Variants in KDM6B observed in about 807,000 individuals in gnomAD.
The protein encoded by KDM6B is lysine-specific demethylase 6B.
Under a neutral mutation model 150.4 loss-of-function variants are expected in KDM6B, and 22 were observed. The ratio of observed to expected loss-of-function variants is 0.15; its 90% CI spans 0.10 to 0.21. KDM6B has a LOEUF of 0.21. KDM6B is among the 10% of genes least tolerant of loss of function. The pLI, the probability that KDM6B is intolerant of heterozygous loss-of-function variation, is 1.00. For synonymous variants in KDM6B, 1,148 were observed against 921.1 expected, an observed-to-expected ratio of 1.25 and a Z score of -4.46; for missense variants, 1,984 against 2,234.3, an observed-to-expected ratio of 0.89 and a Z score of 2.26.
intron 5 of KDM6B, 32 bp downstream of exon 5, chr17:7,845,723 C>G: frequency 6.2e-7 from 1 of 1,613,924 alleles, no homozygotes; most frequent in Non-Finnish European, 8.5e-7. Context: ...TCTCCAGGCA[C>G]ACCTCTTTCC....
intron 2 of KDM6B, chr17:7,840,741 G>A (rs918053152): frequency 6.6e-5 from 10 of 152,182 alleles, no homozygotes; most frequent in African/African-American, 2.2e-4. Context: ...TTTCTTCTAT[G>A]TGTCTCTCAC....
intron 1 of KDM6B, among the ~76,000 whole-genome samples, chr17:7,835,821 C>T (rs775722559): frequency 6.6e-6 from 1 of 151,890 alleles, no homozygotes; most frequent in Admixed American, 6.5e-5. Flanking sequence ...CCCCTCCCCT[C>T]GTGGAGTCTG....
rs938218165 is a variant in KDM6B at position 7,846,804 on chromosome 17, T to A, written c.712-15T>A. The A allele has an allele frequency of 1.2e-6, 2 of 1,613,300 alleles. No individual in the cohort carries two copies. The highest frequency in any genetic ancestry group is 1.7e-5 in the Admixed American group (1 of 59,982). On this transcript the variant is annotated splice_polypyrimidine_tract_variant and intron_variant, in intron 9 of 23. Coordinates refer to ENST00000448097, the MANE Select transcript of KDM6B (RefSeq NM_001348716.2). ...GGACTTGGGAATGGGATTCTCACACTCTCTTCTCTCCTAGACTGGCCTTCC... is the reference window on the plus strand; with the variant it reads ...GGACTTGGGAATGGGATTCTCACACACTCTTCTCTCCTAGACTGGCCTTCC...
intron 18 of KDM6B, 71 bp downstream of exon 18, chr17:7,851,867 C>T (rs2078703065): frequency 1.3e-6 from 2 of 1,579,710 alleles, no homozygotes; most frequent in East Asian, 2.3e-5. Flanking sequence ...GCTCAGCCGT[C>T]AGCCAATGAG....
rs757289161 is a variant in KDM6B, at chr17:7,850,624, A to C, written c.3674-397A>C. Among the ~76,000 whole-genome samples, 10 of 152,186 alleles carry C rather than the reference A, an allele frequency of 6.6e-5. 1 individual carries two copies. Among genetic ancestry groups the C allele is most frequent in the Admixed American group, 1.3e-4 (2 of 15,278 alleles). ...ACATTTCAGGCTTTCACTTGACTGA[A>C]TCTTTAATCTTTAATTGGATCCAAT... On this transcript the variant is annotated intron_variant, in intron 14 of 23. Transcript: ENST00000448097.
chr17:7,839,512 G>A (rs1275013671), intron 1 of KDM6B, among the ~76,000 whole-genome samples: 1 of 152,136 alleles, frequency 6.6e-6, no homozygotes, highest in African/African-American at 2.4e-5. Flanking sequence ...TGATAAGGTT[G>A]GAGAGGACAC....
At chr17:7,852,726 C>A in intron 21 of KDM6B, 90 bp downstream of exon 21, 1 of 1,559,890 alleles carries the variant, frequency 6.4e-7, no homozygotes, top group Non-Finnish European at 8.8e-7. Flanking sequence ...TTTTACCTCT[C>A]TCCATCCTTG....
At chr17:7,835,909 C>T (rs1430217620) in intron 1 of KDM6B, among the ~76,000 whole-genome samples, 1 of 152,212 alleles carries the variant, frequency 6.6e-6, no homozygotes, top group African/African-American at 2.4e-5. Context: ...TTTCGCCGGT[C>T]GCGACCATAA....
At chr17:7,851,581 C>T in intron 17 of KDM6B, 32 bp downstream of exon 17, 4 of 1,612,536 alleles carry the variant, frequency 2.5e-6, no homozygotes, top group Non-Finnish European at 3.4e-6. Context: ...GAAGTTGGGG[C>T]AGGAGTGCTG....
rs2078557100 is a variant in KDM6B at position 7,846,890 on chromosome 17, A to ACCACCACCACCACCC, written c.791_792insACCACCCCCACCACC (p.Pro260_Pro264dup). On this transcript the variant is annotated inframe_insertion, in exon 10 of 24. Transcript: ENST00000448097. The stretch of plus-strand genomic sequence containing the variant: ...CACCACCACCACCACCACCACCACC[A>ACCACCACCACCACCC]CCACCACCCCTGCCTGGCCTGGCTA... 9.7e-6 allele frequency: 13 copies of ACCACCACCACCACCC among 1,342,518 alleles called. No individual in the cohort carries two copies. The highest frequency in any genetic ancestry group is 3.5e-5 in the African/African-American group (2 of 56,786). The allele number at this position is 1,342,518 out of a possible 1,614,324, so 83.2% of individuals were successfully genotyped here. A position where few individuals can be genotyped will look rare whatever the true frequency, so the allele number is the denominator to read the frequency against.
chr17:7,845,824 C>G, intron 5 of KDM6B, 48 bp from the exon 6 acceptor site: 1 of 1,586,586 alleles, frequency 6.3e-7, no homozygotes, highest in Non-Finnish European at 8.7e-7. Context: ...CTAGGTAGGA[C>G]AAGACTGCTC....
Position 7,849,685 on chromosome 17 carries a change from C to G in KDM6B, c.3397C>G (p.Leu1133Val). Residue 1133 changes from leucine (L) to valine (V), a missense_variant, in exon 12 of 24, where the codon CTC (leucine) becomes GTC (valine). Transcript: ENST00000448097. The part of the protein sequence containing the change: ...VEERRLRMAD[L>V]TISHCAADVV... Reference sequence around the variant, plus strand: ...AGAGCGGCGGCTGCGCATGGCAGACCTCACCATCAGCCACTGTGCTGCTGA... The same window carrying G: ...AGAGCGGCGGCTGCGCATGGCAGACGTCACCATCAGCCACTGTGCTGCTGA... 1 of 1,610,222 alleles carries G rather than the reference C, an allele frequency of 6.2e-7. No individual in the cohort carries two copies. Among genetic ancestry groups the G allele is most frequent in the Non-Finnish European group, 8.5e-7 (1 of 1,179,922 alleles).
rs377714300 is a variant in KDM6B, at chr17:7,847,426, C to T, written c.1231C>T (p.Arg411Trp). The change falls in exon 11 of 24, where the codon CGG becomes TGG. Residue 411 changes from arginine to tryptophan, a missense_variant. Arg to Trp is a moderately radical substitution (Grantham distance 101). This residue lies in a region of KDM6B where 1,379 missense variants were observed against 1,275.6 expected (regional missense o/e 1.08). Transcript: ENST00000448097. ...SSSSSSNTGL[R>W]GVEPNPGIPG... Reference sequence around the variant, plus strand: ...TAGCAGCAGCAGCAACACTGGTCTCCGGGGCGTGGAGCCGAACCCAGGCAT... The same window carrying T: ...TAGCAGCAGCAGCAACACTGGTCTCTGGGGCGTGGAGCCGAACCCAGGCAT... 74 of 1,613,510 alleles carry T rather than the reference C, an allele frequency of 4.6e-5. No individual in the cohort carries two copies. The highest frequency in any genetic ancestry group is 5.8e-5 in the Non-Finnish European group (68 of 1,179,956).
Position 7,846,302 on chromosome 17 carries a change from G to A in KDM6B, c.456+5G>A, listed in dbSNP as rs771513836. 6.2e-7 allele frequency: 1 copy of A among 1,611,584 alleles called. No individual in the cohort carries two copies. The highest frequency in any genetic ancestry group is 8.5e-7 in the Non-Finnish European group (1 of 1,178,874). The stretch of plus-strand genomic sequence containing the variant: ...CGCATTGGCCGACTGCAGCAGGTAG[G>A]AGAAGGCAGGGCGTGGGGGACGGGA... On this transcript the variant is annotated splice_donor_5th_base_variant and intron_variant, in intron 7 of 23. Coordinates refer to ENST00000448097, the MANE Select transcript of KDM6B (RefSeq NM_001348716.2).
In KDM6B at chr17:7,848,289, C is replaced by T; in HGVS notation, c.2001C>T (p.Gly667=). The T allele has an allele frequency of 1.9e-6, 3 of 1,612,334 alleles. No individual in the cohort carries two copies. Among genetic ancestry groups the T allele is most frequent in the Non-Finnish European group, 2.5e-6 (3 of 1,179,788 alleles). ...GGGTTGGGGAGCTGCCTGCCCGAGG[C>T]CCTCGACTCTTTGATTTTCCCCCCA... is the stretch of plus-strand genomic sequence containing the variant. ...PPGVGELPAR[G]PRLFDFPPTP... is the part of the protein sequence containing the mutation. Residue 667 remains glycine (G), a synonymous_variant, in exon 12 of 24, where the codon GGC becomes GGT. Transcript: ENST00000448097.
rs2078714004 is a variant in KDM6B, at chr17:7,852,335, C to T, written c.4467C>T (p.Thr1489=). Residue 1489 remains threonine, a splice_region_variant and synonymous_variant, in exon 20 of 24, where the codon ACC becomes ACT. Coordinates refer to ENST00000448097, the MANE Select transcript of KDM6B (RefSeq NM_001348716.2). ...NNIAWNVGPL[T]AYQYQLALER... ...TTGCCTGGAACGTGGGGCCCCTCACCGGTGAGAGGGTGGGGCAGGTGTTGG... is the reference window on the plus strand; with the variant it reads ...TTGCCTGGAACGTGGGGCCCCTCACTGGTGAGAGGGTGGGGCAGGTGTTGG... 1 of 1,612,266 alleles carries T rather than the reference C, an allele frequency of 6.2e-7. No homozygotes were observed. The highest frequency in any genetic ancestry group is 1.3e-5 in the African/African-American group (1 of 75,002).
chr17:7,852,134 G>T lies in KDM6B; in HGVS notation c.4281-15G>T. ...TCGGTCCCCAGTTCCCACCTGACCT[G>T]TGGCCACCCCGCAGGCACGGCGTGG... On this transcript the variant is annotated splice_polypyrimidine_tract_variant and intron_variant, in intron 19 of 23. Coordinates refer to ENST00000448097, the MANE Select transcript of KDM6B (RefSeq NM_001348716.2). 1 of 1,614,038 alleles carries T rather than the reference G, an allele frequency of 6.2e-7. No individual in the cohort carries two copies. The highest frequency in any genetic ancestry group is 2.2e-5 in the East Asian group (1 of 44,884).
chr17:7,837,542 T>C (rs147716146), intron 1 of KDM6B, among the ~76,000 whole-genome samples: 2 of 152,316 alleles, frequency 1.3e-5, no homozygotes, highest in South Asian at 2.1e-4. Flanking sequence ...TTTGTGCTTT[T>C]ATGTACCTTA....
In KDM6B at chr17:7,846,693, G is replaced by A. The variant is rs766596360; in HGVS notation, c.664G>A (p.Gly222Ser). The A allele has an allele frequency of 6.2e-7, 1 of 1,614,110 alleles. No homozygotes were observed. The highest frequency in any genetic ancestry group is 8.5e-7 in the Non-Finnish European group (1 of 1,179,986). ...ACTCTCAGGCCCCTCAGGGGAGGAG[G>A]GCCTCAGCCCTGGAGGCAAGCGAAG... ...AALSGPSGEE[G>S]LSPGGKRRRG... Residue 222 changes from glycine (G) to serine (S), a missense_variant, in exon 9 of 24, where the codon GGC (glycine) becomes AGC (serine). Coordinates refer to ENST00000448097, the MANE Select transcript of KDM6B (RefSeq NM_001348716.2).
Sources: gnomAD v4.1 joint callset for allele counts (sites outside exome capture counted in the v4.1 genomes callset) on GRCh38, gnomAD v4.1.1 for gene constraint, gnomAD v4.1.1 regional missense constraint, MANE v1.5 for transcripts, NCBI Gene and HGNC (gene_info 2026-07-23, HGNC 2026-07-21) for gene names.